DMKN: variants seen among roughly 807,000 people sequenced by gnomAD.
DMKN encodes epidermis-specific secreted protein SK30/SK89.
DMKN carries 58 observed loss-of-function variants against 67.6 expected under a neutral mutation model. The observed-to-expected ratio is 0.86, with a 90% CI of 0.69 to 1.07. DMKN has a LOEUF of 1.07. Ranked by LOEUF, DMKN falls within the 50% of genes least tolerant of loss-of-function variation. The pLI, the probability that DMKN is intolerant of heterozygous loss-of-function variation, is 0.00. For missense variants in DMKN, 596 were observed against 601.5 expected, an observed-to-expected ratio of 0.99 and a Z score of 0.10; for synonymous variants, 240 against 232.3, an observed-to-expected ratio of 1.03 and a Z score of -0.30.
rs1277850316 is a variant in DMKN, at chr19:35,502,832, C to T, written c.1189G>A (p.Glu397Lys). The T allele has an allele frequency of 6.2e-7, 1 of 1,614,096 alleles. No individual in the cohort carries two copies. Among genetic ancestry groups the T allele is most frequent in the South Asian group, 1.1e-5 (1 of 91,078 alleles). The change falls in exon 10 of 16, where the codon GAG (glutamate) becomes AAG (lysine). Residue 397 changes from glutamate to lysine, a missense_variant and splice_region_variant. Glu to Lys is a moderately conservative substitution (Grantham distance 56). Transcript: ENST00000339686. ...TCAAACAGCAAGAATTCTCCTACCT[C>T]CCAGAGTCGGCTGAAGTAGAGGAGG... is the stretch of plus-strand genomic sequence containing the variant. ...RALLYFSRLW[E>K]DFKQNTPFLN... is the part of the protein sequence containing the mutation.
chr19:35,509,019 C>A (rs1339039319), intron 7 of DMKN, among the ~76,000 whole-genome samples: 1 of 152,026 alleles, frequency 6.6e-6, no homozygotes, highest in Non-Finnish European at 1.5e-5. Flanking sequence ...GAGTTTGAGA[C>A]CAGCCTGGCC....
intron 7 of DMKN, chr19:35,508,107 G>T: frequency 6.8e-7 from 1 of 1,476,226 alleles, no homozygotes; most frequent in Non-Finnish European, 9.2e-7. Context: ...TGGCAGGGAT[G>T]TGGGACCACC....
rs1353625656 is a variant in DMKN, at chr19:35,499,955, C to T, written c.1359+3G>A. ...GGGAAGACAGGGTGGTTGCCGGTCT[C>T]ACCTTTGCAGGGGTCTTGACTGAGT... On this transcript the variant is annotated splice_donor_region_variant and intron_variant, in intron 13 of 15. Transcript: ENST00000339686. 1 of 1,614,124 alleles carries T rather than the reference C, an allele frequency of 6.2e-7. No individual in the cohort carries two copies. Among genetic ancestry groups the T allele is most frequent in the Admixed American group, 1.7e-5 (1 of 60,018 alleles).
rs147919175 is a variant in DMKN, at chr19:35,502,167, G to A, written c.1208C>T (p.Thr403Ile). The A allele has an allele frequency of 6.3e-5, 101 of 1,614,176 alleles. No homozygotes were observed. The South Asian group carries it at 6.9e-4, about 11-fold the overall frequency. Residue 403 changes from threonine (T) to isoleucine (I), a missense_variant, in exon 11 of 16, where the codon ACT becomes ATT. By Grantham distance (89) the Thr-to-Ile change is moderately conservative. Coordinates refer to ENST00000339686, the MANE Select transcript of DMKN (RefSeq NM_033317.5). ...AATTGCTTTCCAGTTGAGGAAAGGAGTGTTCTGTTTGAAATCCTGCAGGGA... is the reference window on the plus strand; with the variant it reads ...AATTGCTTTCCAGTTGAGGAAAGGAATGTTCTGTTTGAAATCCTGCAGGGA... ...SRLWEDFKQN[T>I]PFLNWKAIIE...
intron 8 of DMKN, 45 bp downstream of exon 8, chr19:35,505,894 T>A: frequency 6.2e-7 from 1 of 1,614,092 alleles, no homozygotes; most frequent in Non-Finnish European, 8.5e-7. Flanking sequence ...GGGCAGGGGT[T>A]GGTTTTCCAA....
chr19:35,508,564 G>T, intron 7 of DMKN: 1 of 220,316 alleles, frequency 4.5e-6, no homozygotes, highest in Non-Finnish European at 9.0e-6. Context: ...TTAAATCAGT[G>T]GTTGAAGTGA....
At chr19:35,502,228 A>C (rs760441081) in intron 10 of DMKN, 45 bp from the exon 11 acceptor site, 2 of 1,609,158 alleles carry the variant, frequency 1.2e-6, no homozygotes, top group African/African-American at 1.3e-5. Context: ...GGCAGAACCC[A>C]CGGGGTGGTC....
intron 7 of DMKN, 188 bp from the exon 8 acceptor site, chr19:35,506,174 C>A: frequency 1.3e-6 from 2 of 1,528,126 alleles, no homozygotes; most frequent in South Asian, 1.2e-5. Flanking sequence ...TGCCCCAGCT[C>A]GACCCTTGCC....
Position 35,504,329 on chromosome 19 carries a change from C to T in DMKN, c.1134+1389G>A, listed in dbSNP as rs996315893. The stretch of plus-strand genomic sequence containing the variant: ...CAGTGACTCATGCCTGTAATCCCAA[C>T]ATTTTGGGAAGCCAAGGTGGGCAGA... On this transcript the variant is annotated intron_variant, in intron 9 of 15. Transcript: ENST00000339686. Among the ~76,000 whole-genome samples the T allele has an allele frequency of 3.3e-5, 5 of 152,124 alleles. No homozygotes were observed. In the South Asian group the frequency reaches 6.2e-4, roughly 19 times the overall value.
intron 7 of DMKN, chr19:35,506,310 A>C: frequency 1.0e-6 from 1 of 963,170 alleles, no homozygotes; most frequent in South Asian, 1.7e-5. Context: ...CCTCTCTATA[A>C]AGCTGCCTTC....
At chr19:35,507,397 G>A (rs2069775818) in intron 7 of DMKN, 2 of 1,473,896 alleles carry the variant, frequency 1.4e-6, no homozygotes, top group Non-Finnish European at 1.8e-6. Context: ...CTTTTCCCAG[G>A]ATCTTAGCAT....
At position 35,499,822 on chromosome 19, in the gene DMKN, G is replaced by T. The variant is rs1469100368; in HGVS notation, c.1359+136C>A. 29 of 855,148 alleles carry T rather than the reference G, an allele frequency of 3.4e-5. No individual in the cohort carries two copies. The East Asian group carries it at 5.8e-4, about 17-fold the overall frequency. 53.0% of individuals were successfully genotyped at this position (855,148 alleles called of 1,614,324 possible). A position where few individuals can be genotyped will look rare whatever the true frequency, so the allele number is the denominator to read the frequency against. On this transcript the variant is annotated intron_variant, in intron 13 of 15. Transcript: ENST00000339686. ...GAACCCGAGTCTCCCTTGCAAAGGG[G>T]TGGGGAGGCCTGGACTCAAAGAGAG...
At chr19:35,501,909 T>G (rs765235773) in intron 11 of DMKN, 1 of 1,574,706 alleles carries the variant, frequency 6.4e-7, no homozygotes, top group South Asian at 1.2e-5. Flanking sequence ...TTCATGTGCT[T>G]GTGGAGGCCC....
Position 35,502,077 on chromosome 19 carries a change from C to T in DMKN, c.1239+59G>A, listed in dbSNP as rs1027046685. The T allele has an allele frequency of 2.4e-5, 39 of 1,609,940 alleles. No individual in the cohort carries two copies. The African/African-American group carries it at 3.6e-4, about 15-fold the overall frequency. ...AAACTGGGACAGACACCTGGGTCAG[C>T]GGCTCGCCCAGGGCCCCGAACCCTG... On this transcript the variant is annotated intron_variant, in intron 11 of 15. Transcript: ENST00000339686.
intron 7 of DMKN, chr19:35,507,245 G>A: frequency 2.1e-6 from 1 of 485,698 alleles, no homozygotes; most frequent in East Asian, 3.3e-5. Context: ...AAAGTAACAT[G>A]GCTCCGATCC....
rs1449880193 is a variant in DMKN at position 35,511,510 on chromosome 19, G to A, written c.819C>T (p.Ser273=). ...NNNGSSSGGS[S]SGSSSGGSSG... Reference sequence around the variant, plus strand: ...TGCTGCCGCCACTGCTGCTGCCACTGCTGCTGCCACCACTGCTGCTGCCAT... The same window carrying A: ...TGCTGCCGCCACTGCTGCTGCCACTACTGCTGCCACCACTGCTGCTGCCAT... The change falls in exon 5 of 16, where the codon AGC becomes AGT. Residue 273 remains serine, a synonymous_variant. Coordinates refer to ENST00000339686, the MANE Select transcript of DMKN (RefSeq NM_033317.5). 6.4e-6 allele frequency: 7 copies of A among 1,098,130 alleles called. No homozygotes were observed. The highest frequency in any genetic ancestry group is 5.6e-5 in the African/African-American group (3 of 53,220). The allele number at this position is 1,098,130 out of a possible 1,614,324, so 68.0% of individuals were successfully genotyped here. A position where few individuals can be genotyped will look rare whatever the true frequency, so the allele number is the denominator to read the frequency against.
At chr19:35,507,503 G>T in intron 7 of DMKN, 1 of 1,551,492 alleles carries the variant, frequency 6.4e-7, no homozygotes, top group South Asian at 1.2e-5. Context: ...TGCCCTCTTT[G>T]CTTATTTCCT....
At chr19:35,507,182 G>A (rs1239526933) in intron 7 of DMKN, 5 of 329,028 alleles carry the variant, frequency 1.5e-5, no homozygotes. Context: ...CCCTAAGTAT[G>A]GAAATCCCCT....
chr19:35,508,894 C>T (rs992185371), intron 7 of DMKN, among the ~76,000 whole-genome samples: 8 of 152,088 alleles, frequency 5.3e-5, no homozygotes, highest in African/African-American at 1.9e-4. Context: ...TTTTTGACTA[C>T]TTATATACTT....
Sources: allele counts gnomAD v4.1 joint callset (sites outside exome capture counted in the v4.1 genomes callset), GRCh38; gene constraint gnomAD v4.1.1; transcripts MANE v1.5; gene names NCBI Gene and HGNC (gene_info 2026-07-23, HGNC 2026-07-21).